The following SLC5A5 variants were observed in gnomAD, a reference collection of about 807,000 sequenced individuals.
The protein encoded by SLC5A5 is sodium/iodide cotransporter.
Under a neutral mutation model 68.6 loss-of-function variants are expected in SLC5A5, and 56 were observed. The ratio of observed to expected loss-of-function variants is 0.82; its 90% CI spans 0.66 to 1.02. SLC5A5 has a LOEUF of 1.02. SLC5A5 is among the 50% of genes least tolerant of loss of function. The probability of loss-of-function intolerance (pLI) is 0.00; values close to 1 mark genes in which losing one functional copy is unlikely to be tolerated. For synonymous variants in SLC5A5, 398 were observed against 373.0 expected (o/e 1.07, Z -0.77); for missense variants, 807 against 859.8 (o/e 0.94, Z 0.77).
In SLC5A5 at chr19:17,880,959, C is replaced by T. The variant is rs771361470; in HGVS notation, c.1058+6C>T. The T allele has an allele frequency of 6.2e-7, 1 of 1,607,366 alleles. No homozygotes were observed. The highest frequency in any genetic ancestry group is 8.5e-7 in the Non-Finnish European group (1 of 1,173,972). On this transcript the variant is annotated splice_donor_region_variant and intron_variant, in intron 8 of 14. Transcript: ENST00000222248. Reference sequence around the variant, plus strand: ...GCTTACAGTGGCACCCTCAGGTGAGCACCCCTGCTTGTTCATGGAGCATTA... The same window carrying T: ...GCTTACAGTGGCACCCTCAGGTGAGTACCCCTGCTTGTTCATGGAGCATTA...
intron 12 of SLC5A5, among the ~76,000 whole-genome samples, chr19:17,887,597 A>ATTTTTTT: frequency 8.3e-6 from 1 of 120,958 alleles, no homozygotes. Flanking sequence ...GAAGTTTTTA[A>ATTTTTTT]TTTTTTTTTT....
rs775814404 is a variant in SLC5A5 at position 17,874,135 on chromosome 19, C to A, written c.358-3C>A. 2.5e-6 allele frequency: 4 copies of A among 1,608,798 alleles called. No individual in the cohort carries two copies. Among genetic ancestry groups the A allele is most frequent in the Non-Finnish European group, 3.4e-6 (4 of 1,175,686 alleles). ...CCAGGTGACCTCGAGTCCCTCCTTG[C>A]AGTACCTGGAGATGCGCTTCAGCCG... On this transcript the variant is annotated splice_polypyrimidine_tract_variant and splice_region_variant and intron_variant, in intron 1 of 14. Transcript: ENST00000222248.
intron 14 of SLC5A5, among the ~76,000 whole-genome samples, chr19:17,893,272 T>G (rs1418722426): frequency 6.6e-6 from 1 of 151,926 alleles, no homozygotes; most frequent in African/African-American, 2.4e-5. Flanking sequence ...CTGGTTAATT[T>G]TTTTATTTTT....
intron 7 of SLC5A5, among the ~76,000 whole-genome samples, chr19:17,878,546 T>C (rs1027448803): frequency 4.6e-5 from 7 of 151,718 alleles, no homozygotes; most frequent in African/African-American, 1.5e-4. Context: ...CAGAGGAGGA[T>C]CTGCAAGGAA....
chr19:17,876,046 T>C lies in SLC5A5; in HGVS notation c.638T>C (p.Val213Ala), dbSNP rs573288906. The change falls in exon 5 of 15, where the codon GTG becomes GCG. Residue 213 changes from valine (V) to alanine (A), a missense_variant. Val to Ala is a moderately conservative substitution (Grantham distance 64). Transcript: ENST00000222248. The stretch of plus-strand genomic sequence containing the variant: ...GTCCTGGCACGCGGTGTCATGCTTG[T>C]GGGCGGGCCCCGCCAGGTGCTCACG... ...WVVLARGVML[V>A]GGPRQVLTLA... The C allele has an allele frequency of 1.2e-6, 2 of 1,614,152 alleles. No homozygotes were observed. The highest frequency in any genetic ancestry group is 1.1e-5 in the South Asian group (1 of 91,070).
intron 10 of SLC5A5, 30 bp from the exon 11 acceptor site, chr19:17,883,651 C>G: frequency 6.3e-7 from 1 of 1,587,704 alleles, no homozygotes. Context: ...AGGGCTCCGC[C>G]CTCAGCCCCA....
At position 17,888,605 on chromosome 19, in the gene SLC5A5, TATTATTATTATTATC is replaced by T. The variant is rs1280148010; in HGVS notation, c.1651+153_1651+167del. The stretch of plus-strand genomic sequence containing the variant: ...ATTTGTACCTTATTATTATTATTAT[TATTATTATTATTATC>T]ATCATCATCATCATCATCATCATCA... On this transcript the variant is annotated intron_variant, in intron 13 of 14. Transcript: ENST00000222248. 1,953 of 429,418 alleles carry T rather than the reference TATTATTATTATTATC, an allele frequency of 4.5e-3. 56 individuals are homozygous for T. Among genetic ancestry groups the T allele is most frequent in the African/African-American group, 0.041 (1,783 of 43,092 alleles). 26.6% of individuals were successfully genotyped at this position (429,418 alleles called of 1,614,324 possible). A position where few individuals can be genotyped will look rare whatever the true frequency, so the allele number is the denominator to read the frequency against.
chr19:17,872,269 C>CT lies in SLC5A5; in HGVS notation c.-49dup. On this transcript the variant is annotated 5_prime_UTR_variant, in exon 1 of 15. Coordinates refer to ENST00000222248, the MANE Select transcript of SLC5A5 (RefSeq NM_000453.3). ...CCTCGGCCCCTGCCAGCTTCCCCCG[C>CT]TTGAGCACGCAGGGCGTCCGAGGAC... 1 of 1,339,440 alleles carries CT rather than the reference C, an allele frequency of 7.5e-7. No homozygotes were observed. Among genetic ancestry groups the CT allele is most frequent in the East Asian group, 2.5e-5 (1 of 40,698 alleles). 83.0% of individuals were successfully genotyped at this position (1,339,440 alleles called of 1,614,324 possible).
At chr19:17,891,348 GGC>G (rs2030163443) in intron 14 of SLC5A5, among the ~76,000 whole-genome samples, 1 of 152,024 alleles carries the variant, frequency 6.6e-6, no homozygotes, top group South Asian at 2.1e-4. Flanking sequence ...TGCTACTACA[GGC>G]GCATGCCACC....
intron 7 of SLC5A5, among the ~76,000 whole-genome samples, chr19:17,878,787 C>A (rs1395147427): frequency 1.3e-5 from 2 of 151,886 alleles, no homozygotes; most frequent in Non-Finnish European, 2.9e-5. Flanking sequence ...ACCAACCTGG[C>A]CAACATGGTG....
intron 13 of SLC5A5, among the ~76,000 whole-genome samples, chr19:17,888,821 G>A (rs766876399): frequency 4.6e-5 from 7 of 151,260 alleles, no homozygotes; most frequent in Middle Eastern, 3.4e-3. Context: ...TAGTAGAGAC[G>A]GAGTTTCGCC....
Position 17,880,769 on chromosome 19 carries a change from C to G in SLC5A5, c.970-96C>G, listed in dbSNP as rs1031927237. The G allele has an allele frequency of 3.3e-5, 28 of 855,302 alleles. 1 individual carries two copies. The highest frequency in any genetic ancestry group is 2.0e-4 in the South Asian group (15 of 75,646). 53.0% of individuals were successfully genotyped at this position (855,302 alleles called of 1,614,324 possible). ...TTAAATGCCGACTCTGAGCCCTGTCCGTCTTGGGTGCTGGGGACGTGCAGC... is the reference window on the plus strand; with the variant it reads ...TTAAATGCCGACTCTGAGCCCTGTCGGTCTTGGGTGCTGGGGACGTGCAGC... On this transcript the variant is annotated intron_variant, in intron 7 of 14. Transcript: ENST00000222248.
At position 17,888,403 on chromosome 19, in the gene SLC5A5, C is replaced by G. The variant is rs750720821; in HGVS notation, c.1599C>G (p.Ala533=). The G allele has an allele frequency of 2.5e-6, 4 of 1,613,950 alleles. No individual in the cohort carries two copies. The Admixed American group carries it at 6.7e-5, about 27-fold the overall frequency. ...FYAISYLYYG[A]LGTLTTVLCG... is the part of the protein sequence containing the mutation. Reference sequence around the variant, plus strand: ...CCATCTCCTATCTCTATTACGGTGCCCTGGGCACGCTGACCACTGTGCTGT... The same window carrying G: ...CCATCTCCTATCTCTATTACGGTGCGCTGGGCACGCTGACCACTGTGCTGT... The change falls in exon 13 of 15, where the codon GCC becomes GCG. Residue 533 remains alanine, a synonymous_variant. Coordinates refer to ENST00000222248, the MANE Select transcript of SLC5A5 (RefSeq NM_000453.3).
intron 13 of SLC5A5, among the ~76,000 whole-genome samples, chr19:17,890,238 T>A (rs2030112451): frequency 6.6e-6 from 1 of 151,862 alleles, no homozygotes; most frequent in Non-Finnish European, 1.5e-5. Context: ...GCCTGGCTAA[T>A]TTTTGTATTT....
chr19:17,872,867 G>A (rs1258454332), intron 1 of SLC5A5, among the ~76,000 whole-genome samples, 191 bp downstream of exon 1: 1 of 152,186 alleles, frequency 6.6e-6, no homozygotes, highest in Non-Finnish European at 1.5e-5. Flanking sequence ...CCGGCGAGGG[G>A]CAGGAAGGAG....
rs751827730 is a variant in SLC5A5 at position 17,875,991 on chromosome 19, G to T, written c.583G>T (p.Val195Phe). 6.2e-7 allele frequency: 1 copy of T among 1,614,176 alleles called. No homozygotes were observed. The highest frequency in any genetic ancestry group is 8.5e-7 in the Non-Finnish European group (1 of 1,180,036). ...TGTGGTCTGGACTGATGTGTTCCAG[G>T]TCGTGGTGATGCTAAGTGGCTTCTG... ...KAVVWTDVFQ[V>F]VVMLSGFWVV... is the part of the protein sequence containing the mutation. The change falls in exon 5 of 15, where the codon GTC becomes TTC. Residue 195 changes from valine (V) to phenylalanine (F), a missense_variant. By Grantham distance (50) the Val-to-Phe change is conservative. Coordinates refer to ENST00000222248, the MANE Select transcript of SLC5A5 (RefSeq NM_000453.3).
chr19:17,890,220 A>G (rs1042802444), intron 13 of SLC5A5, among the ~76,000 whole-genome samples: 4 of 151,614 alleles, frequency 2.6e-5, no homozygotes, highest in Non-Finnish European at 5.9e-5. Context: ...ACAAGCGCCC[A>G]CCCCCACGCC....
intron 7 of SLC5A5, among the ~76,000 whole-genome samples, chr19:17,879,161 T>C (rs1599918756): frequency 6.6e-6 from 1 of 150,468 alleles, no homozygotes; most frequent in Admixed American, 6.7e-5. Flanking sequence ...GGTGTGGTGG[T>C]GCATGCCTGT....
rs60241720 is a variant in SLC5A5 at position 17,891,132 on chromosome 19, A to G, written c.1767+131A>G. ...TCATTATCTCCAGTCAAAAGACTCT[A>G]TTGGGAGCTGATTCATCCTCAACAG... On this transcript the variant is annotated intron_variant, in intron 14 of 14. Coordinates refer to ENST00000222248, the MANE Select transcript of SLC5A5 (RefSeq NM_000453.3). The G allele has an allele frequency of 4.5e-3, 3,259 of 720,538 alleles. 59 individuals carry two copies. The highest frequency in any genetic ancestry group is 0.045 in the African/African-American group (2,606 of 57,786). The allele number at this position is 720,538 out of a possible 1,614,324, so 44.6% of individuals were successfully genotyped here. A position where few individuals can be genotyped will look rare whatever the true frequency, so the allele number is the denominator to read the frequency against.
Sources: allele counts gnomAD v4.1 joint callset (sites outside exome capture counted in the v4.1 genomes callset), GRCh38; gene constraint gnomAD v4.1.1; transcripts MANE v1.5; gene names NCBI Gene and HGNC (gene_info 2026-07-23, HGNC 2026-07-21).